The following GPR65 variants were observed in gnomAD, a reference collection of about 807,000 sequenced individuals.
The protein encoded by GPR65 is T-cell death-associated gene 8 protein.
A neutral mutation model predicts 0.7 loss-of-function variants in GPR65; 2 were observed. The ratio of observed to expected loss-of-function variants is 2.83; its 90% CI spans 1.16 to 8.92. GPR65 has a LOEUF of 8.92. Among genes scored for constraint, GPR65 ranks in the 30% most tolerant of loss-of-function variants. The pLI is 0.04. For missense variants in GPR65, 379 were observed against 399.4 expected (o/e 0.95, Z 0.43); for synonymous variants, 128 against 146.5 (o/e 0.87, Z 0.91).
At position 88,010,644 on chromosome 14, in the gene GPR65, A is replaced by C; in HGVS notation, c.-204A>C. 1.9e-6 allele frequency: 1 copy of C among 515,552 alleles called. No individual in the cohort carries two copies. The highest frequency in any genetic ancestry group is 3.1e-5 in the East Asian group (1 of 31,784). 31.9% of individuals were successfully genotyped at this position (515,552 alleles called of 1,614,324 possible). ...GCCAGGAGCCTGGATTTTTACTTCC[A>C]ACTGCTGATATCTGTGTAAAAATTG... On this transcript the variant is annotated 5_prime_UTR_variant, in exon 2 of 2. Transcript: ENST00000267549.
Position 88,010,671 on chromosome 14 carries a change from T to C in GPR65, c.-177T>C. ...CTGCTGATATCTGTGTAAAAATTGA[T>C]CTACATCCACCCTTTAAAAGCATTG... On this transcript the variant is annotated 5_prime_UTR_variant, in exon 2 of 2. Transcript: ENST00000267549. 1.8e-6 allele frequency: 1 copy of C among 564,210 alleles called. No homozygotes were observed. Among genetic ancestry groups the C allele is most frequent in the Non-Finnish European group, 3.1e-6 (1 of 318,392 alleles). 35.0% of individuals were successfully genotyped at this position (564,210 alleles called of 1,614,324 possible). A position where few individuals can be genotyped will look rare whatever the true frequency, so the allele number is the denominator to read the frequency against.
Position 88,011,592 on chromosome 14 carries a change from C to T in GPR65, c.745C>T (p.Arg249Cys). 1 of 1,614,052 alleles carries T rather than the reference C, an allele frequency of 6.2e-7. No homozygotes were observed. Among genetic ancestry groups the T allele is most frequent in the Non-Finnish European group, 8.5e-7 (1 of 1,179,958 alleles). The part of the protein sequence containing the change: ...FTPFHVMLLI[R>C]CILEHAVNFE... ...TCCCTTTCATGTGATGTTGCTGATTCGCTGCATTTTAGAGCATGCTGTGAA... is the reference window on the plus strand; with the variant it reads ...TCCCTTTCATGTGATGTTGCTGATTTGCTGCATTTTAGAGCATGCTGTGAA... Residue 249 changes from arginine (R) to cysteine (C), a missense_variant, in exon 2 of 2, where the codon CGC (arginine) becomes TGC (cysteine). Coordinates refer to ENST00000267549, the MANE Select transcript of GPR65 (RefSeq NM_003608.4).
chr14:88,006,805 C>T lies in GPR65; in HGVS notation c.-460+1583C>T, dbSNP rs142586375. On this transcript the variant is annotated intron_variant, in intron 1 of 1. Coordinates refer to ENST00000267549, the MANE Select transcript of GPR65 (RefSeq NM_003608.4). ...GTTGTGTGTGCATCAGAGTCCCATC[C>T]GCGGGGGCTGATTCAATCTTCCTGC... Among the ~76,000 whole-genome samples, 749 of 152,156 alleles carry T rather than the reference C, an allele frequency of 4.9e-3. 7 individuals carry two copies. Among genetic ancestry groups the T allele is most frequent in the African/African-American group, 0.017 (717 of 41,504 alleles).
Position 88,011,895 on chromosome 14 carries a change from A to T in GPR65, c.*34A>T, listed in dbSNP as rs756976703. The T allele has an allele frequency of 1.4e-6, 2 of 1,413,102 alleles. No homozygotes were observed. The highest frequency in any genetic ancestry group is 4.6e-5 in the East Asian group (2 of 43,678). The allele number at this position is 1,413,102 out of a possible 1,614,324, so 87.5% of individuals were successfully genotyped here. On this transcript the variant is annotated 3_prime_UTR_variant, in exon 2 of 2. Coordinates refer to ENST00000267549, the MANE Select transcript of GPR65 (RefSeq NM_003608.4). Reference sequence around the variant, plus strand: ...ATGTTTTGAAGGGAAGGGAAGTTTAAGTTATGCATTATTATATCATCAAGA... The same window carrying T: ...ATGTTTTGAAGGGAAGGGAAGTTTATGTTATGCATTATTATATCATCAAGA...
In GPR65 at chr14:88,012,751, AAT is replaced by A. The variant is rs1248367012; in HGVS notation, c.*893_*894del. On this transcript the variant is annotated 3_prime_UTR_variant, in exon 2 of 2. Transcript: ENST00000267549. The stretch of plus-strand genomic sequence containing the variant: ...ATCTAATCACTTGGCTTCATTAACA[AAT>A]ATTTATTGAATCCATTCCATAAACT... 1 of 152,180 alleles carries A rather than the reference AAT, an allele frequency of 6.6e-6. No individual in the cohort carries two copies. The highest frequency in any genetic ancestry group is 2.4e-5 in the African/African-American group (1 of 41,442). The allele number at this position is 152,180 out of a possible 1,614,324, so 9.4% of individuals were successfully genotyped here. A position where few individuals can be genotyped will look rare whatever the true frequency, so the allele number is the denominator to read the frequency against.
chr14:88,011,855 T>C lies in GPR65; in HGVS notation c.1008T>C (p.Leu336=). ...STKDTMELEV[L]E The stretch of plus-strand genomic sequence containing the variant: ...AAGATACTATGGAATTAGAGGTCCT[T>C]GAGTAGAACCAAGGATGTTTTGAAG... The change falls in exon 2 of 2, where the codon CTT becomes CTC. Residue 336 remains leucine, a synonymous_variant. Transcript: ENST00000267549. The C allele has an allele frequency of 6.5e-7, 1 of 1,543,552 alleles. No homozygotes were observed. The highest frequency in any genetic ancestry group is 8.7e-7 in the Non-Finnish European group (1 of 1,145,338).
At chr14:88,009,887 A>T (rs1349086628) in intron 1 of GPR65, among the ~76,000 whole-genome samples, 2 of 152,230 alleles carry the variant, frequency 1.3e-5, no homozygotes, top group Non-Finnish European at 2.9e-5. Context: ...GGCTTAACAA[A>T]CTGCTACATT....
rs767453748 is a variant in GPR65, at chr14:88,011,411, G to A, written c.564G>A (p.Thr188=). The change falls in exon 2 of 2, where the codon ACG becomes ACA. Residue 188 remains threonine, a synonymous_variant. Transcript: ENST00000267549. ...KWQINLNLFR[T]CTGYAIPLVT... ...AAATCAACCTCAACTTGTTCAGGACGTGTACAGGCTATGCAATACCTTTGG... is the reference window on the plus strand; with the variant it reads ...AAATCAACCTCAACTTGTTCAGGACATGTACAGGCTATGCAATACCTTTGG... The A allele has an allele frequency of 4.7e-5, 76 of 1,613,816 alleles. No homozygotes were observed. The highest frequency in any genetic ancestry group is 5.9e-5 in the Non-Finnish European group (70 of 1,179,860).
intron 1 of GPR65, among the ~76,000 whole-genome samples, chr14:88,007,047 G>T (rs1003012283): frequency 6.6e-6 from 1 of 152,082 alleles, no homozygotes; most frequent in East Asian, 1.9e-4. Context: ...TCTGCTGTCT[G>T]TTATCGCTGT....
Position 88,013,228 on chromosome 14 carries a change from G to C in GPR65, c.*1367G>C, listed in dbSNP as rs1265928738. ...TGCCCAGCTAATTTTTGTATTTTTAGTAGAGACGGGGTTTCACCATGTTGC... is the reference window on the plus strand; with the variant it reads ...TGCCCAGCTAATTTTTGTATTTTTACTAGAGACGGGGTTTCACCATGTTGC... On this transcript the variant is annotated 3_prime_UTR_variant, in exon 2 of 2. Transcript: ENST00000267549. 6.6e-6 allele frequency: 1 copy of C among 151,898 alleles called. No individual in the cohort carries two copies. Among genetic ancestry groups the C allele is most frequent in the African/African-American group, 2.4e-5 (1 of 41,314 alleles). 9.4% of individuals were successfully genotyped at this position (151,898 alleles called of 1,614,324 possible).
In GPR65 at chr14:88,012,048, A is replaced by G; in HGVS notation, c.*187A>G. 4.0e-6 allele frequency: 2 copies of G among 496,400 alleles called. No individual in the cohort carries two copies. 30.7% of individuals were successfully genotyped at this position (496,400 alleles called of 1,614,324 possible). A position where few individuals can be genotyped will look rare whatever the true frequency, so the allele number is the denominator to read the frequency against. ...CTCCCTCCCTGCGTTTTATTAAATG[A>G]TGTATATTAAACAAAGATCAATATT... On this transcript the variant is annotated 3_prime_UTR_variant, in exon 2 of 2. Transcript: ENST00000267549.
At position 88,012,916 on chromosome 14, in the gene GPR65, T is replaced by A. The variant is rs182260623; in HGVS notation, c.*1055T>A. The A allele has an allele frequency of 2.1e-3, 318 of 152,334 alleles. 1 individual carries two copies. The highest frequency in any genetic ancestry group is 7.5e-3 in the African/African-American group (310 of 41,586). The allele number at this position is 152,334 out of a possible 1,614,324, so 9.4% of individuals were successfully genotyped here. A position where few individuals can be genotyped will look rare whatever the true frequency, so the allele number is the denominator to read the frequency against. ...AAAAGGAAATAGGCTCTGAGTTTTA[T>A]TTTGATCTCTTTTTAATTTATAACT... is the stretch of plus-strand genomic sequence containing the variant. On this transcript the variant is annotated 3_prime_UTR_variant, in exon 2 of 2. Transcript: ENST00000267549.
Position 88,012,457 on chromosome 14 carries a change from T to G in GPR65, c.*596T>G, listed in dbSNP as rs186797276. 1.8e-4 allele frequency: 27 copies of G among 152,300 alleles called. No individual in the cohort carries two copies. The highest frequency in any genetic ancestry group is 5.8e-4 in the African/African-American group (24 of 41,566). The allele number at this position is 152,300 out of a possible 1,614,324, so 9.4% of individuals were successfully genotyped here. A position where few individuals can be genotyped will look rare whatever the true frequency, so the allele number is the denominator to read the frequency against. ...GCAACCATCACCACACTCAAAAAAT[T>G]TTCATCACCCACCAAAGAAATCTTA... On this transcript the variant is annotated 3_prime_UTR_variant, in exon 2 of 2. Transcript: ENST00000267549.
At chr14:88,009,812 A>G (rs1033611778) in intron 1 of GPR65, among the ~76,000 whole-genome samples, 1 of 152,216 alleles carries the variant, frequency 6.6e-6, no homozygotes, top group Non-Finnish European at 1.5e-5. Flanking sequence ...AGAAAAATAA[A>G]GTGAGTTAGT....
In GPR65 at chr14:88,012,930, T is replaced by A. The variant is rs1295279698; in HGVS notation, c.*1069T>A. ...TCTGAGTTTTATTTTGATCTCTTTTTAATTTATAACTGGGTATAACATAGC... is the reference window on the plus strand; with the variant it reads ...TCTGAGTTTTATTTTGATCTCTTTTAAATTTATAACTGGGTATAACATAGC... On this transcript the variant is annotated 3_prime_UTR_variant, in exon 2 of 2. Coordinates refer to ENST00000267549, the MANE Select transcript of GPR65 (RefSeq NM_003608.4). 1 of 152,230 alleles carries A rather than the reference T, an allele frequency of 6.6e-6. No individual in the cohort carries two copies. The highest frequency in any genetic ancestry group is 1.5e-5 in the Non-Finnish European group (1 of 68,038). 9.4% of individuals were successfully genotyped at this position (152,230 alleles called of 1,614,324 possible).
At position 88,011,215 on chromosome 14, in the gene GPR65, T is replaced by C. The variant is rs934967805; in HGVS notation, c.368T>C (p.Phe123Ser). The change falls in exon 2 of 2, where the codon TTT becomes TCT. Residue 123 changes from phenylalanine to serine, a missense_variant. Physicochemically the swap from Phe to Ser is radical, Grantham distance 155. Coordinates refer to ENST00000267549, the MANE Select transcript of GPR65 (RefSeq NM_003608.4). ...YLAVVYPLKF[F>S]FLRTRRFALM... Reference sequence around the variant, plus strand: ...GCTGTTGTCTACCCTTTGAAGTTTTTTTTCCTAAGGACAAGAAGATTTGCA... The same window carrying C: ...GCTGTTGTCTACCCTTTGAAGTTTTCTTTCCTAAGGACAAGAAGATTTGCA... The C allele has an allele frequency of 6.2e-7, 1 of 1,613,890 alleles. No homozygotes were observed. The highest frequency in any genetic ancestry group is 8.5e-7 in the Non-Finnish European group (1 of 1,179,984).
chr14:88,011,348 T>G lies in GPR65; in HGVS notation c.501T>G (p.Phe167Leu). The part of the protein sequence containing the change: ...VEYCDAEKSN[F>L]TLCYDKYPLE... ...ATTGCGATGCCGAAAAGTCTAATTT[T>G]ACTTTATGCTATGACAAATACCCTT... Residue 167 changes from phenylalanine to leucine, a missense_variant, in exon 2 of 2, where the codon TTT becomes TTG. Coordinates refer to ENST00000267549, the MANE Select transcript of GPR65 (RefSeq NM_003608.4). The G allele has an allele frequency of 6.2e-7, 1 of 1,614,116 alleles. No individual in the cohort carries two copies. The highest frequency in any genetic ancestry group is 8.5e-7 in the Non-Finnish European group (1 of 1,180,008).
At position 88,011,820 on chromosome 14, in the gene GPR65, G is replaced by A. The variant is rs1445046239; in HGVS notation, c.973G>A (p.Val325Met). The change falls in exon 2 of 2, where the codon GTG becomes ATG. Residue 325 changes from valine (V) to methionine (M), a missense_variant. Physicochemically the swap from Val to Met is conservative, Grantham distance 21 (BLOSUM62 1). Transcript: ENST00000267549. The part of the protein sequence containing the change: ...SQRQRKRILS[V>M]STKDTMELEV... ...AAGACAAAGAAAACGCATACTTTCT[G>A]TGTCTACAAAAGATACTATGGAATT... 1.9e-6 allele frequency: 3 copies of A among 1,592,204 alleles called. No homozygotes were observed. The African/African-American group carries it at 4.0e-5, about 21-fold the overall frequency.
In GPR65 at chr14:88,010,639, C is replaced by A; in HGVS notation, c.-209C>A. The A allele has an allele frequency of 2.0e-6, 1 of 504,642 alleles. No individual in the cohort carries two copies. The highest frequency in any genetic ancestry group is 3.5e-6 in the Non-Finnish European group (1 of 284,348). 31.3% of individuals were successfully genotyped at this position (504,642 alleles called of 1,614,324 possible). A position where few individuals can be genotyped will look rare whatever the true frequency, so the allele number is the denominator to read the frequency against. Reference sequence around the variant, plus strand: ...CAATTGCCAGGAGCCTGGATTTTTACTTCCAACTGCTGATATCTGTGTAAA... The same window carrying A: ...CAATTGCCAGGAGCCTGGATTTTTAATTCCAACTGCTGATATCTGTGTAAA... On this transcript the variant is annotated 5_prime_UTR_variant, in exon 2 of 2. Transcript: ENST00000267549.
Sources: allele counts gnomAD v4.1 joint callset (sites outside exome capture counted in the v4.1 genomes callset), GRCh38; gene constraint gnomAD v4.1.1; transcripts MANE v1.5; gene names NCBI Gene and HGNC (gene_info 2026-07-23, HGNC 2026-07-21).